ITPR2: variants seen among roughly 807,000 people sequenced by gnomAD.
ITPR2 encodes the protein inositol 1,4,5-trisphosphate-gated calcium channel ITPR2.
A neutral mutation model predicts 317.1 loss-of-function variants in ITPR2; 207 were observed. The observed-to-expected ratio is 0.65, with a 90% CI of 0.58 to 0.73. The LOEUF (loss-of-function observed/expected upper bound fraction) is 0.73. Among genes scored for constraint, ITPR2 ranks in the 30% least tolerant of loss-of-function variants. The probability of loss-of-function intolerance (pLI) is 0.00; values close to 1 mark genes in which losing one functional copy is unlikely to be tolerated. For missense variants in ITPR2, 2,613 were observed against 3,284.0 expected (o/e 0.80, Z 4.99); for synonymous variants, 1,156 against 1,149.1 (o/e 1.01, Z -0.12).
rs976500760 is a variant in ITPR2 at position 26,487,304 on chromosome 12, T to C, written c.5371-53A>G. 2.3e-6 allele frequency: 3 copies of C among 1,328,036 alleles called. 1 individual carries two copies. Among genetic ancestry groups the C allele is most frequent in the Middle Eastern group, 4.2e-4 (2 of 4,740 alleles). 82.3% of individuals were successfully genotyped at this position (1,328,036 alleles called of 1,614,324 possible). ...AATACCCAAGGGGAGACAAATGGTGTTTTTATGCTTGAACTAAACATAAGC... is the reference window on the plus strand; with the variant it reads ...AATACCCAAGGGGAGACAAATGGTGCTTTTATGCTTGAACTAAACATAAGC... On this transcript the variant is annotated intron_variant, in intron 39 of 56. Transcript: ENST00000381340.
chr12:26,414,989 G>C (rs1026056835), intron 51 of ITPR2, among the ~76,000 whole-genome samples: 1 of 152,070 alleles, frequency 6.6e-6, no homozygotes, highest in African/African-American at 2.4e-5. Flanking sequence ...AGGAGGAAAA[G>C]ATTTTTAAAG....
intron 52 of ITPR2, 126 bp downstream of exon 52, chr12:26,411,194 C>T: frequency 1.6e-6 from 1 of 639,548 alleles, no homozygotes. Flanking sequence ...GGTTCTTTTA[C>T]TCTCTATTCT....
chr12:26,411,447 C>A, intron 51 of ITPR2, 35 bp from the exon 52 acceptor site: 2 of 1,374,884 alleles, frequency 1.5e-6, no homozygotes, highest in South Asian at 2.4e-5. Context: ...AATATAGAGT[C>A]AAATATGCAC....
At chr12:26,722,777 T>C (rs1235912321) in intron 4 of ITPR2, among the ~76,000 whole-genome samples, 1 of 151,816 alleles carries the variant, frequency 6.6e-6, no homozygotes, top group Non-Finnish European at 1.5e-5. Flanking sequence ...GAAGTCGGCA[T>C]AATAGGGAAA....
intron 26 of ITPR2, among the ~76,000 whole-genome samples, chr12:26,619,329 T>C (rs895361318): frequency 1.3e-4 from 20 of 152,246 alleles, no homozygotes; most frequent in African/African-American, 4.8e-4. Flanking sequence ...AAAACACTGT[T>C]GGTTGCTAAC....
In ITPR2 at chr12:26,339,522, T is replaced by C. The variant is rs183417783; in HGVS notation, c.8020-39A>G. The C allele has an allele frequency of 1.6e-4, 250 of 1,564,044 alleles. 1 individual carries two copies. The African/African-American group carries it at 3.0e-3, about 19-fold the overall frequency. ...GAGAGTGTGTGTTCAGCGGATTTTCTCACTCTTACCCAGTGCTGGTGGGCC... is the reference window on the plus strand; with the variant it reads ...GAGAGTGTGTGTTCAGCGGATTTTCCCACTCTTACCCAGTGCTGGTGGGCC... On this transcript the variant is annotated intron_variant, in intron 56 of 56. Coordinates refer to ENST00000381340, the MANE Select transcript of ITPR2 (RefSeq NM_002223.4).
chr12:26,506,329 C>T (rs1473263890), intron 37 of ITPR2, among the ~76,000 whole-genome samples: 1 of 151,638 alleles, frequency 6.6e-6, no homozygotes, highest in African/African-American at 2.4e-5. Context: ...GGAAACTTAG[C>T]AAGACTTCAT....
chr12:26,719,086 A>G (rs1948790676), intron 5 of ITPR2, among the ~76,000 whole-genome samples: 1 of 152,202 alleles, frequency 6.6e-6, no homozygotes, highest in Non-Finnish European at 1.5e-5. Context: ...ACCAAGCTGA[A>G]TAAAACTTGC....
rs1938495134 is a variant in ITPR2, at chr12:26,351,933, C to T, written c.7858-11605G>A. Among the ~76,000 whole-genome samples the T allele has an allele frequency of 2.6e-5, 4 of 152,188 alleles. No homozygotes were observed. In the South Asian group the frequency reaches 6.2e-4, roughly 24 times the overall value. On this transcript the variant is annotated intron_variant, in intron 55 of 56. Coordinates refer to ENST00000381340, the MANE Select transcript of ITPR2 (RefSeq NM_002223.4). The stretch of plus-strand genomic sequence containing the variant: ...ATGAAGTAGAAACATTTGCAAATCT[C>T]GCTGAGATAGACAAAAACTAGAGAT...
intron 45 of ITPR2, among the ~76,000 whole-genome samples, chr12:26,460,721 C>T (rs1328851568): frequency 6.6e-6 from 1 of 152,184 alleles, no homozygotes; most frequent in Non-Finnish European, 1.5e-5. Context: ...CTCAGAGTCT[C>T]TGGGGTCGGG....
At position 26,831,879 on chromosome 12, in the gene ITPR2, T is replaced by C. The variant is rs906599437; in HGVS notation, c.92+811A>G. Among the ~76,000 whole-genome samples, 19 of 143,390 alleles carry C rather than the reference T, an allele frequency of 1.3e-4. No homozygotes were observed. Among genetic ancestry groups the C allele is most frequent in the African/African-American group, 4.8e-4 (19 of 39,584 alleles). The allele number at this position is 143,390 out of a possible 152,430, so 94.1% of individuals were successfully genotyped here. ...CATAAAATATATAAATATATTAATA[T>C]ATATTTCCCTCATTCATAAACATAT... On this transcript the variant is annotated intron_variant, in intron 1 of 56. Transcript: ENST00000381340. This position sits in a 1 kb window ranked among gnomAD's most constrained non-coding sequence, Gnocchi z 4.9.
intron 1 of ITPR2, among the ~76,000 whole-genome samples, chr12:26,798,477 T>C (rs1328236110): frequency 6.6e-6 from 1 of 152,230 alleles, no homozygotes; most frequent in Non-Finnish European, 1.5e-5. Context: ...AGCTTACAAA[T>C]TATTTTATCA....
At chr12:26,710,902 A>G (rs1592060255) in intron 9 of ITPR2, among the ~76,000 whole-genome samples, 2 of 152,218 alleles carry the variant, frequency 1.3e-5, no homozygotes, top group South Asian at 4.1e-4. Flanking sequence ...CATCACATAC[A>G]TATGCAAATC....
chr12:26,791,794 G>A (rs1950346147), intron 1 of ITPR2, among the ~76,000 whole-genome samples: 2 of 152,194 alleles, frequency 1.3e-5, no homozygotes, highest in East Asian at 3.9e-4. Flanking sequence ...AATCTGAAAG[G>A]CTCCAATAGT....
Position 26,419,189 on chromosome 12 carries a change from C to T in ITPR2, c.6970G>A (p.Val2324Met). ...GTGCCACGATTTCCAACAAAACTCA[C>T]CAGAAAAACAATTTTATTACAAAGC... ...ANLCNKIVFL[V>M]SFVGNRGTFT... The change falls in exon 50 of 57, where the codon GTG becomes ATG. Residue 2324 changes from valine to methionine, a missense_variant. Transcript: ENST00000381340. 4.3e-6 allele frequency: 7 copies of T among 1,613,420 alleles called. No individual in the cohort carries two copies. Among genetic ancestry groups the T allele is most frequent in the Non-Finnish European group, 5.9e-6 (7 of 1,179,616 alleles).
At chr12:26,454,228 C>T (rs1941821515) in intron 45 of ITPR2, among the ~76,000 whole-genome samples, 1 of 152,062 alleles carries the variant, frequency 6.6e-6, no homozygotes, top group South Asian at 2.1e-4. Context: ...TTTTTTGAGA[C>T]AGAGTCTTGC....
chr12:26,522,435 T>A lies in ITPR2; in HGVS notation c.5074-27175A>T, dbSNP rs115196018. ...ATAATAAATCAGGATTTCCTTGAAATATGGTCCAACTTGGCCCAGTTTGTG... is the reference window on the plus strand; with the variant it reads ...ATAATAAATCAGGATTTCCTTGAAAAATGGTCCAACTTGGCCCAGTTTGTG... On this transcript the variant is annotated intron_variant, in intron 37 of 56. Coordinates refer to ENST00000381340, the MANE Select transcript of ITPR2 (RefSeq NM_002223.4). 5.8e-3 allele frequency among the ~76,000 whole-genome samples: 879 copies of A among 152,320 alleles called. 11 individuals are homozygous for A. The highest frequency in any genetic ancestry group is 0.02 in the African/African-American group (827 of 41,566).
At chr12:26,603,333 C>T (rs1258625049) in intron 26 of ITPR2, among the ~76,000 whole-genome samples, 1 of 152,150 alleles carries the variant, frequency 6.6e-6, no homozygotes, top group African/African-American at 2.4e-5. Flanking sequence ...AAACCTGAAA[C>T]ACCAAAGATA....
intron 32 of ITPR2, among the ~76,000 whole-genome samples, chr12:26,591,304 A>G (rs1206689961): frequency 1.8e-4 from 27 of 152,336 alleles, no homozygotes. Flanking sequence ...AAAAGAAGAC[A>G]TACAAATGGC....
Sources: gnomAD v4.1 joint callset for allele counts (sites outside exome capture counted in the v4.1 genomes callset) on GRCh38, gnomAD v4.1.1 for gene constraint, Gnocchi (gnomAD v3.1) non-coding constraint, MANE v1.5 for transcripts, NCBI Gene and HGNC (gene_info 2026-07-23, HGNC 2026-07-21) for gene names.